AKNA: variants seen among roughly 807,000 people sequenced by gnomAD.
AKNA encodes the protein microtubule organization protein AKNA.
In AKNA, 67 loss-of-function variants were observed where a neutral mutation model predicts 138.8. The ratio of observed to expected loss-of-function variants is 0.48; its 90% confidence interval spans 0.40 to 0.59. The LOEUF (loss-of-function observed/expected upper bound fraction) is 0.59. Ranked by LOEUF, AKNA falls within the 20% of genes least tolerant of loss-of-function variation. The pLI is 0.00. For missense variants in AKNA, 1,813 were observed against 1,880.4 expected, an observed-to-expected ratio of 0.96 and a Z score of 0.66; for synonymous variants, 737 against 754.4, an observed-to-expected ratio of 0.98 and a Z score of 0.38.
Position 114,377,106 on chromosome 9 carries a change from G to T in AKNA, c.701C>A (p.Thr234Asn), listed in dbSNP as rs370389759. Residue 234 changes from threonine to asparagine, a missense_variant, in exon 3 of 22, where the codon ACC becomes AAC. Thr to Asn is a moderately conservative substitution (Grantham distance 65). Transcript: ENST00000374088. ...DGPQPTALAE[T>N]LPEGPSHHLL... The stretch of plus-strand genomic sequence containing the variant: ...GTGGTGGCTGGGGCCCTCTGGCAAG[G>T]TTTCTGCCAGGGCAGTGGGCTGGGG... 2.5e-5 allele frequency: 40 copies of T among 1,614,072 alleles called. No individual in the cohort carries two copies. The highest frequency in any genetic ancestry group is 2.5e-5 in the Non-Finnish European group (30 of 1,180,018).
chr9:114,350,752 C>A, intron 15 of AKNA, 107 bp downstream of exon 15: 1 of 1,306,502 alleles, frequency 7.7e-7, no homozygotes, highest in Non-Finnish European at 1.0e-6. Context: ...CTACCACCAC[C>A]ATCTGTGTGA....
chr9:114,345,242 A>G (rs1199065853), intron 18 of AKNA: 1 of 151,834 alleles, frequency 6.6e-6, no homozygotes, highest in East Asian at 1.9e-4. Flanking sequence ...ACACCCAGCT[A>G]ATTTTTTTTG....
intron 15 of AKNA, chr9:114,348,835 A>C: frequency 2.2e-6 from 1 of 456,014 alleles, no homozygotes; most frequent in Non-Finnish European, 4.4e-6. Context: ...CAGGCTCCAC[A>C]TCTACTTGGT....
intron 1 of AKNA, among the ~76,000 whole-genome samples, chr9:114,387,453 C>T (rs1425247602): frequency 1.3e-5 from 2 of 152,168 alleles, no homozygotes; most frequent in African/African-American, 4.8e-5. Flanking sequence ...GCATAAGGGG[C>T]CACTCCTTCA....
intron 4 of AKNA, among the ~76,000 whole-genome samples, chr9:114,373,179 G>GAGGAGGGCACAGCAAAAGC (rs1832922740): frequency 6.6e-6 from 1 of 152,248 alleles, no homozygotes; most frequent in Admixed American, 6.5e-5. Flanking sequence ...GATGAGGCAA[G>GAGGAGGGCACAGCAAAAGC]AGGAGGGCAC....
chr9:114,344,646 G>A (rs1489529112), intron 18 of AKNA: 2 of 152,254 alleles, frequency 1.3e-5, no homozygotes, highest in Non-Finnish European at 2.9e-5. Context: ...CTGTGAGACT[G>A]ACTTCAGAGT....
At chr9:114,351,940 C>G (rs1339255105) in intron 14 of AKNA, among the ~76,000 whole-genome samples, 2 of 152,182 alleles carry the variant, frequency 1.3e-5, no homozygotes, top group Non-Finnish European at 2.9e-5. Flanking sequence ...CTAGATAAAT[C>G]TCCAGAGAAT....
At chr9:114,342,943 A>G (rs1254815122) in intron 19 of AKNA, among the ~76,000 whole-genome samples, 2 of 152,252 alleles carry the variant, frequency 1.3e-5, no homozygotes, top group African/African-American at 4.8e-5. Flanking sequence ...CAGGAAGAGC[A>G]TAGTGGTGAA....
intron 1 of AKNA, among the ~76,000 whole-genome samples, chr9:114,381,655 G>GTTTTTTTTTTTTTTTTTT (rs1160552279): frequency 1.2e-5 from 1 of 82,858 alleles, no homozygotes; most frequent in Non-Finnish European, 2.1e-5. Flanking sequence ...TCTCTCCAGG[G>GTTTTTTTTTTTTTTTTTT]TTTTTTTTTT....
rs1833210364 is a variant in AKNA at position 114,376,460 on chromosome 9, A to G, written c.1341+6T>C. On this transcript the variant is annotated splice_donor_region_variant and intron_variant, in intron 3 of 21. Coordinates refer to ENST00000374088, the MANE Select transcript of AKNA (RefSeq NM_001317950.2). ...TGACACATCCACAGCCATGAGTCCCACTAACCTGGAGCTGATGGACCAGCT... is the reference window on the plus strand; with the variant it reads ...TGACACATCCACAGCCATGAGTCCCGCTAACCTGGAGCTGATGGACCAGCT... 1.2e-6 allele frequency: 2 copies of G among 1,613,670 alleles called. No individual in the cohort carries two copies. Among genetic ancestry groups the G allele is most frequent in the Non-Finnish European group, 1.7e-6 (2 of 1,179,934 alleles).
chr9:114,337,276 G>T lies in AKNA; in HGVS notation c.4098C>A (p.Ala1366=). The change falls in exon 22 of 22, where the codon GCC becomes GCA. Residue 1366 remains alanine, a synonymous_variant. Transcript: ENST00000374088. ...TGGGCGGCCACTTGGCAGCTGGTTG[G>T]GCTGAGGTAGGTCCTGCAGGCGCAT... ...VYYAPAGPTS[A]QPAAKWPPTA... 1 of 1,535,820 alleles carries T rather than the reference G, an allele frequency of 6.5e-7. No homozygotes were observed. Among genetic ancestry groups the T allele is most frequent in the Non-Finnish European group, 8.8e-7 (1 of 1,132,480 alleles).
chr9:114,356,747 A>T, intron 13 of AKNA, 116 bp downstream of exon 13: 1 of 876,768 alleles, frequency 1.1e-6, no homozygotes, highest in East Asian at 2.9e-5. Context: ...GGATGAAATG[A>T]GGGCCTACGA....
chr9:114,363,646 T>TC (rs1832130247), intron 7 of AKNA, among the ~76,000 whole-genome samples: 1 of 152,166 alleles, frequency 6.6e-6, no homozygotes, highest in African/African-American at 2.4e-5. Flanking sequence ...TCAGCTCCTC[T>TC]CCCACCCTGC....
At chr9:114,366,482 G>A (rs1035452524) in intron 6 of AKNA, among the ~76,000 whole-genome samples, 4 of 152,078 alleles carry the variant, frequency 2.6e-5, no homozygotes, top group African/African-American at 7.2e-5. Context: ...GGGGAAAGAG[G>A]GGATGGGGAG....
intron 13 of AKNA, among the ~76,000 whole-genome samples, chr9:114,356,428 T>C (rs1356978961): frequency 2.0e-5 from 3 of 152,150 alleles, no homozygotes; most frequent in Admixed American, 6.5e-5. Context: ...TGGGTTGCCA[T>C]GTGGGCCTCC....
Position 114,362,532 on chromosome 9 carries a change from C to T in AKNA, c.1790G>A (p.Gly597Asp), listed in dbSNP as rs1309279581. The T allele has an allele frequency of 1.2e-6, 2 of 1,612,734 alleles. No individual in the cohort carries two copies. The highest frequency in any genetic ancestry group is 1.7e-4 in the Middle Eastern group (1 of 5,766). ...GTGGGCAGCCTTCAGCCGCTGGAAGCCCTGAAACCAGACCAGGCCAGGAAG... is the reference window on the plus strand; with the variant it reads ...GTGGGCAGCCTTCAGCCGCTGGAAGTCCTGAAACCAGACCAGGCCAGGAAG... ...GRLMPQDQVKGFQRLKAAHAA... is the reference protein window; with the variant it reads ...GRLMPQDQVKDFQRLKAAHAA... Residue 597 changes from glycine to aspartate, a missense_variant and splice_region_variant, in exon 8 of 22, where the codon GGC becomes GAC. Transcript: ENST00000374088.
intron 14 of AKNA, among the ~76,000 whole-genome samples, chr9:114,353,261 G>GT (rs111256721): frequency 0.42 from 61,963 of 147,500 alleles, 14,641 homozygotes; most frequent in South Asian, 0.59. Flanking sequence ...CTTATTTTTT[G>GT]TTTTTTTTTT....
intron 17 of AKNA, 75 bp from the exon 18 acceptor site, chr9:114,346,084 G>A (rs528683221): frequency 2.0e-6 from 3 of 1,465,578 alleles, no homozygotes; most frequent in Admixed American, 1.8e-5. Flanking sequence ...GGTATGCCAT[G>A]AGTTTAGGCT....
intron 15 of AKNA, chr9:114,348,850 C>A: frequency 2.2e-6 from 1 of 456,272 alleles, no homozygotes. Flanking sequence ...CTTGGTCTGG[C>A]TTCTGGGGTG....
Sources: allele counts gnomAD v4.1 joint callset (sites outside exome capture counted in the v4.1 genomes callset), GRCh38; gene constraint gnomAD v4.1.1; transcripts MANE v1.5; gene names NCBI Gene and HGNC (gene_info 2026-07-23, HGNC 2026-07-21).